The following SPIRE1 variants were observed in gnomAD, a reference collection of about 807,000 sequenced individuals.
The protein encoded by SPIRE1 is spire type actin nucleation factor 1, also known as protein spire homolog 1.
A neutral mutation model predicts 94.1 loss-of-function variants in SPIRE1; 40 were observed. The ratio of observed to expected loss-of-function variants is 0.43; its 90% CI spans 0.33 to 0.55. The LOEUF (loss-of-function observed/expected upper bound fraction) is 0.55, where lower values mean the gene tolerates loss of function less well. Ranked by LOEUF, SPIRE1 falls within the 20% of genes least tolerant of loss-of-function variation. The pLI is 0.06. For synonymous variants in SPIRE1, 376 were observed against 371.7 expected (o/e 1.01, Z -0.13); for missense variants, 838 against 975.2 (o/e 0.86, Z 1.87).
intron 1 of SPIRE1, among the ~76,000 whole-genome samples, chr18:12,639,601 A>G (rs1157744645): frequency 6.6e-6 from 1 of 152,066 alleles, no homozygotes; most frequent in Non-Finnish European, 1.5e-5. Flanking sequence ...GCATGGTGGC[A>G]GATGCCTATA....
At chr18:12,493,838 T>C (rs2033333344) in intron 7 of SPIRE1, among the ~76,000 whole-genome samples, 3 of 152,168 alleles carry the variant, frequency 2.0e-5, no homozygotes, top group African/African-American at 7.2e-5. Flanking sequence ...CCCTATATGC[T>C]AGCGTGATAG....
At chr18:12,611,804 T>C (rs2037148610) in intron 2 of SPIRE1, among the ~76,000 whole-genome samples, 1 of 151,572 alleles carries the variant, frequency 6.6e-6, no homozygotes, top group South Asian at 2.1e-4. Context: ...GCTGGGACTA[T>C]AGGCGTGCAC....
intron 6 of SPIRE1, among the ~76,000 whole-genome samples, chr18:12,506,027 T>C (rs1287437634): frequency 1.3e-5 from 2 of 152,250 alleles, no homozygotes; most frequent in African/African-American, 4.8e-5. Context: ...TTAAGCTTAA[T>C]GTACTTTCCA....
intron 2 of SPIRE1, among the ~76,000 whole-genome samples, chr18:12,569,622 A>T (rs1456450923): frequency 1.0e-5 from 1 of 96,038 alleles, no homozygotes; most frequent in Non-Finnish European, 2.5e-5. Context: ...AGAAATGTTT[A>T]AAAACAACAA....
Position 12,446,577 on chromosome 18 carries a change from A to G in SPIRE1, c.*3061T>C, listed in dbSNP as rs984868740. On this transcript the variant is annotated 3_prime_UTR_variant, in exon 17 of 17. Transcript: ENST00000409402. ...TAGAAGACTTTAATGGAAAACATTTAGTACCATCATGTCACCCTGAATGCC... is the reference window on the plus strand; with the variant it reads ...TAGAAGACTTTAATGGAAAACATTTGGTACCATCATGTCACCCTGAATGCC... The G allele has an allele frequency of 2.0e-5, 3 of 152,334 alleles. No homozygotes were observed. The highest frequency in any genetic ancestry group is 4.4e-5 in the Non-Finnish European group (3 of 68,036). 9.4% of individuals were successfully genotyped at this position (152,334 alleles called of 1,614,324 possible).
intron 9 of SPIRE1, among the ~76,000 whole-genome samples, chr18:12,482,774 G>A (rs2032889438): frequency 1.3e-5 from 2 of 152,004 alleles, no homozygotes; most frequent in South Asian, 4.1e-4. Context: ...TATTATTTTA[G>A]CTAATTGACT....
chr18:12,483,399 T>TA (rs59185805), intron 9 of SPIRE1, among the ~76,000 whole-genome samples: 5 of 151,210 alleles, frequency 3.3e-5, no homozygotes, highest in South Asian at 4.2e-4. Flanking sequence ...TGGCATTTCT[T>TA]AAAAAAAAAC....
chr18:12,588,292 G>A (rs1327292226), intron 2 of SPIRE1: 1 of 152,316 alleles, frequency 6.6e-6, no homozygotes, highest in Non-Finnish European at 1.5e-5. Flanking sequence ...TAAAAAAACT[G>A]CATTAGAATT....
intron 2 of SPIRE1, among the ~76,000 whole-genome samples, chr18:12,584,730 G>A (rs954352533): frequency 1.2e-4 from 18 of 152,026 alleles, no homozygotes; most frequent in Admixed American, 1.1e-3. Context: ...AGGCGTTTGA[G>A]TCCAGTCTGG....
upstream of SPIRE1, chr18:12,658,711 C>G: frequency 2.4e-6 from 1 of 423,104 alleles, no homozygotes; most frequent in Non-Finnish European, 5.0e-6. Context: ...ACCCCGCGGC[C>G]GCTCTGCGCG....
chr18:12,587,873 T>C (rs2036430865), intron 2 of SPIRE1, among the ~76,000 whole-genome samples: 2 of 152,224 alleles, frequency 1.3e-5, no homozygotes, highest in Non-Finnish European at 2.9e-5. Flanking sequence ...GTATCCATTT[T>C]AATACTTTTT....
chr18:12,649,699 T>C (rs2038323529), intron 1 of SPIRE1, among the ~76,000 whole-genome samples: 2 of 152,200 alleles, frequency 1.3e-5, no homozygotes, highest in South Asian at 4.1e-4. Context: ...GGTAGCTCAA[T>C]GATTTTTTTC....
intron 12 of SPIRE1, among the ~76,000 whole-genome samples, chr18:12,462,826 T>C (rs1275351559): frequency 6.6e-6 from 1 of 152,048 alleles, no homozygotes; most frequent in African/African-American, 2.4e-5. Context: ...ATCCATACTT[T>C]CAACCACTGA....
chr18:12,630,753 G>A (rs2037751901), intron 2 of SPIRE1, among the ~76,000 whole-genome samples: 2 of 152,188 alleles, frequency 1.3e-5, no homozygotes, highest in South Asian at 4.1e-4. Flanking sequence ...CTGAGCCTGG[G>A]CACAAGGGCC....
At chr18:12,553,970 C>T (rs986561543) in intron 2 of SPIRE1, among the ~76,000 whole-genome samples, 1 of 151,798 alleles carries the variant, frequency 6.6e-6, no homozygotes, top group East Asian at 1.9e-4. Context: ...GACAAAAGAC[C>T]TAAATAAACA....
At position 12,581,767 on chromosome 18, in the gene SPIRE1, G is replaced by C. The variant is rs139602012; in HGVS notation, c.373-34863C>G. On this transcript the variant is annotated intron_variant, in intron 2 of 16. Coordinates refer to ENST00000409402, the MANE Select transcript of SPIRE1 (RefSeq NM_001128626.2). The stretch of plus-strand genomic sequence containing the variant: ...TAATCCCAGCTACTCGAGAGGCTGA[G>C]GCATGAGAATCGCTAGAACCCAGGA... 3.2e-4 allele frequency among the ~76,000 whole-genome samples: 49 copies of C among 152,206 alleles called. 2 individuals are homozygous for C. In the East Asian group the frequency reaches 8.7e-3, roughly 27 times the overall value.
chr18:12,536,752 T>C (rs1242373637), intron 3 of SPIRE1, among the ~76,000 whole-genome samples: 2 of 152,172 alleles, frequency 1.3e-5, no homozygotes, highest in Admixed American at 6.6e-5. Flanking sequence ...ATTTATCAGA[T>C]TGGAAAGACA....
At chr18:12,574,502 T>G (rs547470308) in intron 2 of SPIRE1, among the ~76,000 whole-genome samples, 1 of 152,260 alleles carries the variant, frequency 6.6e-6, no homozygotes, top group South Asian at 2.1e-4. Context: ...CTAGTAGGGA[T>G]AGTGGTAGAA....
chr18:12,489,670 C>T (rs2033163493), intron 8 of SPIRE1, among the ~76,000 whole-genome samples: 1 of 152,076 alleles, frequency 6.6e-6, no homozygotes, highest in Non-Finnish European at 1.5e-5. Context: ...GTAAATAAAA[C>T]CCAATTTAGC....
Sources: allele counts gnomAD v4.1 joint callset (sites outside exome capture counted in the v4.1 genomes callset), GRCh38; gene constraint gnomAD v4.1.1; transcripts MANE v1.5; gene names NCBI Gene and HGNC (gene_info 2026-07-23, HGNC 2026-07-21).